MYCBP2: variants seen among roughly 807,000 people sequenced by gnomAD.
MYCBP2 encodes MYC binding protein 2, also known as E3 ubiquitin-protein ligase MYCBP2.
A neutral mutation model predicts 525.3 loss-of-function variants in MYCBP2; 120 were observed. The observed-to-expected ratio is 0.23, with a 90% CI of 0.20 to 0.27. The LOEUF is 0.27. Among genes scored for constraint, MYCBP2 ranks in the 10% least tolerant of loss-of-function variants. MYCBP2 has a pLI of 1.00. For synonymous variants in MYCBP2, 1,894 were observed against 1,955.8 expected (o/e 0.97, Z 0.83); for missense variants, 4,149 against 5,657.1 (o/e 0.73, Z 8.55).
chr13:77,071,271 G>GCGCACACA (rs375003621), intron 68 of MYCBP2, among the ~76,000 whole-genome samples: 62 of 142,736 alleles, frequency 4.3e-4, no homozygotes, highest in South Asian at 2.2e-3. Flanking sequence ...GTGTGCACAC[G>GCGCACACA]CACACACACA....
chr13:77,209,984 CAG>C (rs1287554628), intron 23 of MYCBP2, among the ~76,000 whole-genome samples: 2 of 152,084 alleles, frequency 1.3e-5, no homozygotes, highest in Non-Finnish European at 2.9e-5. Flanking sequence ...AGAAGGAAGA[CAG>C]AGAAAAAGTC....
chr13:77,309,997 T>C (rs1041293912), intron 1 of MYCBP2, among the ~76,000 whole-genome samples: 1 of 152,000 alleles, frequency 6.6e-6, no homozygotes, highest in African/African-American at 2.4e-5. Context: ...CTGTAGTCCC[T>C]GCTATGTAGA....
At chr13:77,082,309 G>A (rs1410582466) in intron 63 of MYCBP2, 1 of 206,134 alleles carries the variant, frequency 4.9e-6, no homozygotes, top group Admixed American at 5.2e-5. Flanking sequence ...TACACCAACT[G>A]CAACAACCCC....
At chr13:77,263,596 A>T in intron 10 of MYCBP2, 55 bp downstream of exon 10, 1 of 1,458,788 alleles carries the variant, frequency 6.9e-7, no homozygotes, top group Admixed American at 1.8e-5. Flanking sequence ...CATTTTTAAG[A>T]GTATGAAAAA....
rs1259862943 is a variant in MYCBP2 at position 77,051,052 on chromosome 13, A to T, written c.13866T>A (p.Asp4622Glu). The change falls in exon 82 of 83, where the codon GAT (aspartate) becomes GAA (glutamate). Residue 4622 changes from aspartate (D) to glutamate (E), a missense_variant. This residue lies in a region of MYCBP2 where 45 missense variants were observed against 130.1 expected (regional missense o/e 0.35). Coordinates refer to ENST00000544440, the MANE Select transcript of MYCBP2 (RefSeq NM_015057.5). ...GAATGCTAGTCATTCTTTGAAAATC[A>T]TCATGACAAGCATTACAAAAATGTG... ...GTTHFCNACH[D>E]DFQRMTSIPK... The T allele has an allele frequency of 6.2e-7, 1 of 1,613,834 alleles. No homozygotes were observed. Among genetic ancestry groups the T allele is most frequent in the Non-Finnish European group, 8.5e-7 (1 of 1,179,906 alleles).
At chr13:77,202,233 C>A (rs987070982) in intron 26 of MYCBP2, among the ~76,000 whole-genome samples, 3 of 152,188 alleles carry the variant, frequency 2.0e-5, no homozygotes, top group African/African-American at 7.2e-5. Context: ...CACAGAAATA[C>A]AAACTACCAT....
rs1477861859 is a variant in MYCBP2, at chr13:77,112,741, C to T, written c.8140+8632G>A. ...GGTGTGAGCCACTACGCCTGGTCTG[C>T]ATCCCCTCTTCTATAAAAGAATATT... On this transcript the variant is annotated intron_variant, in intron 55 of 82. Coordinates refer to ENST00000544440, the MANE Select transcript of MYCBP2 (RefSeq NM_015057.5). Among the ~76,000 whole-genome samples the T allele has an allele frequency of 3.9e-5, 6 of 152,236 alleles. No individual in the cohort carries two copies. In the East Asian group the frequency reaches 1.2e-3, roughly 29 times the overall value.
At chr13:77,075,035 C>T (rs2042040635) in intron 68 of MYCBP2, among the ~76,000 whole-genome samples, 1 of 152,130 alleles carries the variant, frequency 6.6e-6, no homozygotes, top group Non-Finnish European at 1.5e-5. Flanking sequence ...ATGGCAAAAC[C>T]ACATCTCTGC....
chr13:77,325,242 A>G (rs1769663855), intron 1 of MYCBP2, among the ~76,000 whole-genome samples: 1 of 152,250 alleles, frequency 6.6e-6, no homozygotes, highest in Non-Finnish European at 1.5e-5. Flanking sequence ...TAATGGGAGA[A>G]AAAGACACCT....
intron 55 of MYCBP2, among the ~76,000 whole-genome samples, chr13:77,102,734 A>G (rs2047261529): frequency 6.6e-6 from 1 of 151,738 alleles, no homozygotes; most frequent in Non-Finnish European, 1.5e-5. Context: ...AGTCCTAATA[A>G]CTAATTTAAA....
chr13:77,313,627 T>G (rs1393533586), intron 1 of MYCBP2, among the ~76,000 whole-genome samples: 1 of 151,892 alleles, frequency 6.6e-6, no homozygotes, highest in African/African-American at 2.4e-5. Flanking sequence ...AATACTAAAA[T>G]TAAAAACCTC....
intron 45 of MYCBP2, among the ~76,000 whole-genome samples, chr13:77,156,977 T>G (rs989214068): frequency 6.7e-6 from 1 of 149,010 alleles, no homozygotes; most frequent in Admixed American, 6.6e-5. Context: ...AAGTTGGGAT[T>G]TTTTTTTTAC....
At position 77,205,457 on chromosome 13, in the gene MYCBP2, A is replaced by C; in HGVS notation, c.3715+16T>G. 1 of 1,612,168 alleles carries C rather than the reference A, an allele frequency of 6.2e-7. No individual in the cohort carries two copies. The highest frequency in any genetic ancestry group is 8.5e-7 in the Non-Finnish European group (1 of 1,179,360). On this transcript the variant is annotated intron_variant, in intron 25 of 82. Coordinates refer to ENST00000544440, the MANE Select transcript of MYCBP2 (RefSeq NM_015057.5). ...TCAGTTGTAAGACAACATTTCCTAA[A>C]CCGAAGTATACATACTTTCAAACCT...
chr13:77,310,779 T>A (rs927069133), intron 1 of MYCBP2, among the ~76,000 whole-genome samples: 3 of 108,698 alleles, frequency 2.8e-5, no homozygotes, highest in Non-Finnish European at 6.8e-5. Flanking sequence ...CGTGTGTGCG[T>A]GCGCATGCAC....
At position 77,098,340 on chromosome 13, in the gene MYCBP2, T is replaced by C. The variant is rs1566513477; in HGVS notation, c.8814A>G (p.Ser2938=). The C allele has an allele frequency of 1.2e-6, 2 of 1,612,266 alleles. No homozygotes were observed. Among genetic ancestry groups the C allele is most frequent in the Non-Finnish European group, 1.7e-6 (2 of 1,179,800 alleles). Residue 2938 remains serine, a synonymous_variant, in exon 56 of 83, where the codon TCA becomes TCG. Transcript: ENST00000544440. ...TTAGACTATTTGTTTTTAAAGTACT[T>C]GAGGTGCAGACTTCGACCACCTCAC... ...LHSEVVEVCT[S]STLKTNSLTD...
chr13:77,075,381 C>T (rs71434859), intron 68 of MYCBP2: 1 of 152,162 alleles, frequency 6.6e-6, no homozygotes, highest in Non-Finnish European at 1.5e-5. Flanking sequence ...CATGGGCACA[C>T]ACATGACAGT....
At chr13:77,054,967 T>C (rs1361675193) in intron 80 of MYCBP2, among the ~76,000 whole-genome samples, 1 of 152,136 alleles carries the variant, frequency 6.6e-6, no homozygotes, top group African/African-American at 2.4e-5. Context: ...AAATGTCTGG[T>C]ACGCAGTTGG....
At chr13:77,162,910 C>T (rs551078053) in intron 43 of MYCBP2, among the ~76,000 whole-genome samples, 1 of 152,292 alleles carries the variant, frequency 6.6e-6, no homozygotes, top group African/African-American at 2.4e-5. Context: ...CCACCTTGGC[C>T]TCACAAAGTG....
intron 55 of MYCBP2, among the ~76,000 whole-genome samples, chr13:77,115,684 G>GA (rs750284876): frequency 0.024 from 3,542 of 145,644 alleles, 55 homozygotes; most frequent in Middle Eastern, 0.085. Flanking sequence ...CTATGATTCG[G>GA]AAAAAAAAAA....
Sources: gnomAD v4.1 joint callset for allele counts (sites outside exome capture counted in the v4.1 genomes callset) on GRCh38, gnomAD v4.1.1 for gene constraint, gnomAD v4.1.1 regional missense constraint, MANE v1.5 for transcripts, NCBI Gene and HGNC (gene_info 2026-07-23, HGNC 2026-07-21) for gene names.